TBC1D19: variants seen among roughly 807,000 people sequenced by gnomAD.
The protein encoded by TBC1D19 is TBC1 domain family, member 19.
TBC1D19 carries 60 observed loss-of-function variants against 89.0 expected under a neutral mutation model. The observed-to-expected ratio is 0.67, with a 90% CI of 0.55 to 0.84. The LOEUF (loss-of-function observed/expected upper bound fraction) is 0.84. Ranked by LOEUF, TBC1D19 falls within the 40% of genes least tolerant of loss-of-function variation. The pLI, the probability that TBC1D19 is intolerant of heterozygous loss-of-function variation, is 0.00. For missense variants in TBC1D19, 500 were observed against 610.8 expected, an observed-to-expected ratio of 0.82 and a Z score of 1.91; for synonymous variants, 189 against 199.7, an observed-to-expected ratio of 0.95 and a Z score of 0.45.
chr4:26,591,010 A>G (rs1739760214), intron 1 of TBC1D19, among the ~76,000 whole-genome samples: 1 of 151,500 alleles, frequency 6.6e-6, no homozygotes, highest in South Asian at 2.1e-4. Context: ...TTCCAGTATC[A>G]TACAGAATAG....
At chr4:26,677,249 T>A (rs1712900779) in intron 11 of TBC1D19, among the ~76,000 whole-genome samples, 1 of 152,150 alleles carries the variant, frequency 6.6e-6, no homozygotes, top group Non-Finnish European at 1.5e-5. Context: ...AATACCATCA[T>A]TTCTTGCCTG....
At chr4:26,756,440 C>T (rs1312892502), downstream of TBC1D19, among the ~76,000 whole-genome samples, 1 of 151,972 alleles carries the variant, frequency 6.6e-6, no homozygotes, top group Admixed American at 6.6e-5. Flanking sequence ...AAAGAGGCAA[C>T]GTAATAGTCT....
At chr4:26,781,666 T>C in the TBC1D19 span, among the ~76,000 whole-genome samples, 2 of 152,236 alleles carry the variant, frequency 1.3e-5, no homozygotes, top group African/African-American at 4.8e-5. Context: ...GAAATATGTT[T>C]TCCCATGCTG....
chr4:26,678,757 C>T (rs1713070818), intron 11 of TBC1D19, among the ~76,000 whole-genome samples: 1 of 152,070 alleles, frequency 6.6e-6, no homozygotes, highest in African/African-American at 2.4e-5. Context: ...TCTTTGAGCT[C>T]ACTAGGAATT....
intron 4 of TBC1D19, among the ~76,000 whole-genome samples, chr4:26,631,781 T>C (rs538077749): frequency 2.8e-4 from 42 of 152,246 alleles, no homozygotes; most frequent in Middle Eastern, 3.4e-3. Flanking sequence ...ACACATCTTA[T>C]AGGTTAGTAA....
the TBC1D19 span, among the ~76,000 whole-genome samples, chr4:26,835,840 C>T: frequency 6.6e-6 from 1 of 152,138 alleles, no homozygotes; most frequent in African/African-American, 2.4e-5. Flanking sequence ...TGATGTGGCT[C>T]ACCAGGCTTG....
At chr4:26,808,549 AAAC>A in the TBC1D19 span, among the ~76,000 whole-genome samples, 32 of 152,222 alleles carry the variant, frequency 2.1e-4, no homozygotes, top group African/African-American at 7.7e-4. Flanking sequence ...GAACAGGGTG[AAAC>A]CCCTTCTCTA....
At chr4:26,690,969 A>G (rs972779722) in intron 13 of TBC1D19, among the ~76,000 whole-genome samples, 1 of 152,224 alleles carries the variant, frequency 6.6e-6, no homozygotes, top group Non-Finnish European at 1.5e-5. Context: ...GAAAGGATTC[A>G]CCAATCTAAA....
intron 1 of TBC1D19, among the ~76,000 whole-genome samples, chr4:26,604,443 C>T (rs1339570872): frequency 2.0e-5 from 3 of 151,514 alleles, no homozygotes; most frequent in South Asian, 2.1e-4. Flanking sequence ...TGAGCCATCG[C>T]GCCCGGCCAG....
At chr4:26,587,879 A>G (rs1739513558) in intron 1 of TBC1D19, among the ~76,000 whole-genome samples, 1 of 151,924 alleles carries the variant, frequency 6.6e-6, no homozygotes, top group African/African-American at 2.4e-5. Context: ...TGTAGTTTTT[A>G]TGTTTCAAGA....
the TBC1D19 span, among the ~76,000 whole-genome samples, chr4:26,848,337 A>C: frequency 6.6e-6 from 1 of 152,188 alleles, no homozygotes; most frequent in African/African-American, 2.4e-5. Context: ...CTTGTCAACT[A>C]CAGACTATGG....
Position 26,683,558 on chromosome 4 carries a change from G to A in TBC1D19, c.817-117G>A. 3 of 710,362 alleles carry A rather than the reference G, an allele frequency of 4.2e-6. No individual in the cohort carries two copies. In the Admixed American group the frequency reaches 7.8e-5, roughly 18 times the overall value. The allele number at this position is 710,362 out of a possible 1,614,324, so 44.0% of individuals were successfully genotyped here. A position where few individuals can be genotyped will look rare whatever the true frequency, so the allele number is the denominator to read the frequency against. On this transcript the variant is annotated intron_variant, in intron 11 of 20. Coordinates refer to ENST00000264866, the MANE Select transcript of TBC1D19 (RefSeq NM_018317.4). ...AGTCAGGCATGAGGGTTATAGTAGT[G>A]CCTAACACTGAGTTCCTGCCCTTCT...
At chr4:26,652,355 TG>T (rs1442184798) in intron 7 of TBC1D19, among the ~76,000 whole-genome samples, 1 of 152,152 alleles carries the variant, frequency 6.6e-6, no homozygotes, top group African/African-American at 2.4e-5. Context: ...GACTTTTTTT[TG>T]GTTGGTAAGC....
At chr4:26,647,395 C>T (rs1744050426) in intron 7 of TBC1D19, among the ~76,000 whole-genome samples, 1 of 152,180 alleles carries the variant, frequency 6.6e-6, no homozygotes, top group Non-Finnish European at 1.5e-5. Context: ...TTGGACTTCA[C>T]ATGTAATCCT....
In TBC1D19 at chr4:26,588,611, A is replaced by G. The variant is rs184698360; in HGVS notation, c.99+4319A>G. ...ATAAATTAGGATATAGTCTATTGCC[A>G]TTTTCACCCAATTAAAATTTAAAAA... On this transcript the variant is annotated intron_variant, in intron 1 of 20. Transcript: ENST00000264866. Among the ~76,000 whole-genome samples, 320 of 152,146 alleles carry G rather than the reference A, an allele frequency of 2.1e-3. 3 individuals carry two copies. Among genetic ancestry groups the G allele is most frequent in the Non-Finnish European group, 1.7e-3 (115 of 67,978 alleles).
chr4:26,650,856 T>G (rs1276272759), intron 7 of TBC1D19, among the ~76,000 whole-genome samples: 1 of 152,232 alleles, frequency 6.6e-6, no homozygotes, highest in Non-Finnish European at 1.5e-5. Flanking sequence ...GGTCTCACAT[T>G]TAAGTCTTTA....
intron 1 of TBC1D19, among the ~76,000 whole-genome samples, chr4:26,592,256 A>G (rs1739866410): frequency 6.6e-6 from 1 of 152,250 alleles, no homozygotes; most frequent in South Asian, 2.1e-4. Context: ...ATCTTAATAG[A>G]TGCAGAAAAG....
the TBC1D19 span, among the ~76,000 whole-genome samples, chr4:26,809,918 T>C: frequency 6.6e-6 from 1 of 152,236 alleles, no homozygotes; most frequent in Non-Finnish European, 1.5e-5. Context: ...AATAACCAGA[T>C]GTGGCAGACG....
the TBC1D19 span, among the ~76,000 whole-genome samples, chr4:26,853,673 T>C: frequency 1.3e-5 from 2 of 151,994 alleles, no homozygotes; most frequent in African/African-American, 4.8e-5. Flanking sequence ...CAGTAGCTGG[T>C]ATTACAGGTG....
Sources: allele counts gnomAD v4.1 joint callset (sites outside exome capture counted in the v4.1 genomes callset), GRCh38; gene constraint gnomAD v4.1.1; transcripts MANE v1.5; gene names NCBI Gene and HGNC (gene_info 2026-07-23, HGNC 2026-07-21).